The following BNC2 variants were observed in gnomAD, a reference collection of about 807,000 sequenced individuals.
BNC2 encodes basonuclin zinc finger protein 2.
A neutral mutation model predicts 76.3 loss-of-function variants in BNC2; 20 were observed. The ratio of observed to expected loss-of-function variants is 0.26; its 90% confidence interval spans 0.18 to 0.38. BNC2 has a LOEUF of 0.38. BNC2 is among the 10% of genes least tolerant of loss of function. The pLI, the probability that BNC2 is intolerant of heterozygous loss-of-function variation, is 1.00. For synonymous variants in BNC2, 582 were observed against 514.8 expected (o/e 1.13, Z -1.77); for missense variants, 1,382 against 1,399.8 (o/e 0.99, Z 0.20).
chr9:16,710,035 C>T (rs1823789980), intron 3 of BNC2, among the ~76,000 whole-genome samples: 1 of 152,020 alleles, frequency 6.6e-6, no homozygotes, highest in African/African-American at 2.4e-5. Flanking sequence ...CAGAAACAGA[C>T]ATTCTCTTAT....
chr9:16,621,628 C>T (rs1425560713), intron 3 of BNC2, among the ~76,000 whole-genome samples: 2 of 152,060 alleles, frequency 1.3e-5, no homozygotes, highest in African/African-American at 4.8e-5. Context: ...CCAAGTCAAC[C>T]CTTTAAAAGC....
chr9:16,741,957 CAAAAAAAAAA>C (rs35573018), intron 1 of BNC2, among the ~76,000 whole-genome samples: 2 of 79,400 alleles, frequency 2.5e-5, no homozygotes, highest in Non-Finnish European at 2.2e-5. Context: ...GGCTCCATCT[CAAAAAAAAAA>C]AAAAAAAAAA....
rs1820590642 is a variant in BNC2, at chr9:16,416,680, A to T, written c.*2309T>A. On this transcript the variant is annotated 3_prime_UTR_variant, in exon 7 of 7. Coordinates refer to ENST00000380672, the MANE Select transcript of BNC2 (RefSeq NM_017637.6). The stretch of plus-strand genomic sequence containing the variant: ...ACTTTTGGTCTTTCCTCCCCGTAGA[A>T]CAAATGAAGAATTAAAATGGACCCC... The T allele has an allele frequency of 6.6e-6, 1 of 152,650 alleles. No individual in the cohort carries two copies. The highest frequency in any genetic ancestry group is 1.5e-5 in the Non-Finnish European group (1 of 68,042). The allele number at this position is 152,650 out of a possible 1,614,324, so 9.5% of individuals were successfully genotyped here.
chr9:16,553,147 CA>C (rs1307794577), intron 4 of BNC2, among the ~76,000 whole-genome samples: 1 of 152,112 alleles, frequency 6.6e-6, no homozygotes, highest in Non-Finnish European at 1.5e-5. Context: ...TACCCCCCAC[CA>C]AAAACAAAAC....
At chr9:16,852,914 G>A (rs903035116) in intron 1 of BNC2, among the ~76,000 whole-genome samples, 6 of 152,218 alleles carry the variant, frequency 3.9e-5, no homozygotes, top group Non-Finnish European at 8.8e-5. Context: ...ATTAGAGGGA[G>A]CAGTGGCAGG....
chr9:16,431,016 A>AT (rs1306556568), intron 6 of BNC2, among the ~76,000 whole-genome samples: 1 of 152,238 alleles, frequency 6.6e-6, no homozygotes, highest in Non-Finnish European at 1.5e-5. Context: ...TTCAGATGAA[A>AT]TTTAAGACAA....
chr9:16,690,079 T>C (rs1386078248), intron 3 of BNC2, among the ~76,000 whole-genome samples: 1 of 152,164 alleles, frequency 6.6e-6, no homozygotes, highest in African/African-American at 2.4e-5. Context: ...GAGACAAAAT[T>C]CTGGGCCTAA....
At chr9:16,566,243 A>G (rs957696293) in intron 4 of BNC2, among the ~76,000 whole-genome samples, 31 of 152,196 alleles carry the variant, frequency 2.0e-4, no homozygotes, top group Non-Finnish European at 1.5e-5. Flanking sequence ...CAAAATCACT[A>G]AAGAGTGTTG....
intron 1 of BNC2, among the ~76,000 whole-genome samples, chr9:16,845,871 C>T (rs988079021): frequency 4.6e-5 from 7 of 151,966 alleles, no homozygotes; most frequent in Non-Finnish European, 8.8e-5. Context: ...TTTAGTGGCC[C>T]GGGCGCGGTG....
rs181642477 is a variant in BNC2 at position 16,828,729 on chromosome 9, T to C, written c.3+41917A>G. ...GTGAAAGAAGCCCTTCCTGATCCCG[T>C]TGACTTTTGTCCCCCTGGTTAGCTC... On this transcript the variant is annotated intron_variant, in intron 1 of 6. Coordinates refer to ENST00000380672, the MANE Select transcript of BNC2 (RefSeq NM_017637.6). 3.9e-4 allele frequency among the ~76,000 whole-genome samples: 59 copies of C among 152,316 alleles called. 1 individual carries two copies. The highest frequency in any genetic ancestry group is 1.3e-3 in the African/African-American group (54 of 41,560).
intron 5 of BNC2, among the ~76,000 whole-genome samples, chr9:16,539,094 G>C (rs113873680): frequency 0.065 from 9,827 of 152,122 alleles, 351 homozygotes; most frequent in African/African-American, 0.1. Flanking sequence ...TAAATTGAAA[G>C]CTGTAACAGA....
At chr9:16,788,489 C>A in intron 1 of BNC2, among the ~76,000 whole-genome samples, 1 of 148,700 alleles carries the variant, frequency 6.7e-6, no homozygotes, top group Non-Finnish European at 1.5e-5. Context: ...GGAGGCGGAG[C>A]TTGCAGTGAG....
At chr9:16,852,364 C>G (rs1819148065) in intron 1 of BNC2, among the ~76,000 whole-genome samples, 1 of 152,168 alleles carries the variant, frequency 6.6e-6, no homozygotes, top group South Asian at 2.1e-4. Context: ...CTGAGCTAAG[C>G]ATAAGCAGTT....
intron 5 of BNC2, among the ~76,000 whole-genome samples, chr9:16,520,100 C>T (rs891905000): frequency 2.0e-5 from 3 of 152,224 alleles, no homozygotes; most frequent in Admixed American, 1.3e-4. Flanking sequence ...TGTCTGCTCC[C>T]TTCTCTTCCA....
At chr9:16,699,687 G>T (rs1823450730) in intron 3 of BNC2, among the ~76,000 whole-genome samples, 1 of 152,160 alleles carries the variant, frequency 6.6e-6, no homozygotes, top group Admixed American at 6.5e-5. Flanking sequence ...GAATTCACAG[G>T]CATCATTTAC....
chr9:16,513,197 G>T (rs1161947952), intron 5 of BNC2, among the ~76,000 whole-genome samples: 1 of 151,654 alleles, frequency 6.6e-6, no homozygotes, highest in Non-Finnish European at 1.5e-5. Flanking sequence ...CAAATGAAAG[G>T]TATAGAATGT....
intron 5 of BNC2, among the ~76,000 whole-genome samples, chr9:16,465,651 T>C (rs1472863476): frequency 6.6e-6 from 1 of 152,130 alleles, no homozygotes; most frequent in Non-Finnish European, 1.5e-5. Context: ...ATATTACACA[T>C]ATAACATGAA....
intron 5 of BNC2, among the ~76,000 whole-genome samples, chr9:16,510,630 T>C (rs1440381589): frequency 2.0e-5 from 3 of 152,206 alleles, no homozygotes; most frequent in African/African-American, 7.2e-5. Context: ...AATCAACAGA[T>C]AAGCCTTTAC....
At chr9:16,427,559 T>C (rs1356796880) in intron 6 of BNC2, among the ~76,000 whole-genome samples, 1 of 152,366 alleles carries the variant, frequency 6.6e-6, no homozygotes, top group East Asian at 1.9e-4. Flanking sequence ...GTGTCTACCA[T>C]TGATTAATTA....
Sources: gnomAD v4.1 joint callset for allele counts (sites outside exome capture counted in the v4.1 genomes callset) on GRCh38, gnomAD v4.1.1 for gene constraint, MANE v1.5 for transcripts, NCBI Gene and HGNC (gene_info 2026-07-23, HGNC 2026-07-21) for gene names.